BCAR1: variants seen among roughly 807,000 people sequenced by gnomAD.
The protein encoded by BCAR1 is breast cancer anti-estrogen resistance protein 1.
A neutral mutation model predicts 67.6 loss-of-function variants in BCAR1; 30 were observed. The observed-to-expected ratio is 0.44, with a 90% CI of 0.33 to 0.60. The LOEUF (loss-of-function observed/expected upper bound fraction) is 0.60, where lower values mean the gene tolerates loss of function less well. BCAR1 is among the 20% of genes least tolerant of loss of function. The probability of loss-of-function intolerance (pLI) is 0.02; values close to 1 mark genes in which losing one functional copy is unlikely to be tolerated. For synonymous variants in BCAR1, 626 were observed against 556.7 expected, an observed-to-expected ratio of 1.12 and a Z score of -1.75; for missense variants, 1,313 against 1,222.3, an observed-to-expected ratio of 1.07 and a Z score of -1.11.
At chr16:75,233,779 G>A (rs1306588136) in intron 6 of BCAR1, 67 bp downstream of exon 6, 1 of 1,504,620 alleles carries the variant, frequency 6.6e-7, no homozygotes, top group Admixed American at 2.0e-5. Context: ...CGGCCCTGCA[G>A]GGCAAGAGCT....
At chr16:75,250,569 T>C in intron 1 of BCAR1, 1 of 908,688 alleles carries the variant, frequency 1.1e-6, no homozygotes, top group Non-Finnish European at 1.3e-6. Flanking sequence ...GAAAAGGAGC[T>C]GCTGTCCCCG....
intron 2 of BCAR1, among the ~76,000 whole-genome samples, chr16:75,241,273 A>G (rs1316335124): frequency 6.6e-6 from 1 of 152,108 alleles, no homozygotes; most frequent in Non-Finnish European, 1.5e-5. Flanking sequence ...TGGGATGCAG[A>G]TATGTGCATG....
At position 75,234,996 on chromosome 16, in the gene BCAR1, G is replaced by A. The variant is rs2077050276; in HGVS notation, c.1903C>T (p.Arg635Ter). The A allele has an allele frequency of 1.2e-6, 2 of 1,611,230 alleles. No homozygotes were observed. The highest frequency in any genetic ancestry group is 1.7e-6 in the Non-Finnish European group (2 of 1,178,242). ...PTDKTSSIQS[R>*]PLPSPPKFTS... ...AACTTAGGGGGTGAGGGCAGGGGTC[G>A]TGACTGGATGCTGCTGGTCTTGTCA... The change falls in exon 5 of 7, where the codon CGA becomes TGA. Residue 635 changes from arginine to a stop codon, truncating the protein, a stop_gained. Coordinates refer to ENST00000162330, the MANE Select transcript of BCAR1 (RefSeq NM_014567.5). LOFTEE classifies it high-confidence loss of function.
At position 75,236,919 on chromosome 16, in the gene BCAR1, C is replaced by G. The variant is rs765357684; in HGVS notation, c.875G>C (p.Ser292Thr). The G allele has an allele frequency of 2.5e-6, 4 of 1,612,414 alleles. No homozygotes were observed. The highest frequency in any genetic ancestry group is 1.7e-5 in the Admixed American group (1 of 59,886). Residue 292 changes from serine (S) to threonine (T), a missense_variant, in exon 4 of 7, where the codon AGT becomes ACT. This residue lies in a region of BCAR1 where 1,272 missense variants were observed against 1,137.5 expected (regional missense o/e 1.12). Coordinates refer to ENST00000162330, the MANE Select transcript of BCAR1 (RefSeq NM_014567.5). ...GGACGGTGGCAGGCCCTTCTCCACACTGGGGGGCACGTCATACACCTCCAG... is the reference window on the plus strand; with the variant it reads ...GGACGGTGGCAGGCCCTTCTCCACAGTGGGGGGCACGTCATACACCTCCAG... Reference protein sequence around the residue: ...PLLEVYDVPPSVEKGLPPSNH... With the variant: ...PLLEVYDVPPTVEKGLPPSNH...
intron 1 of BCAR1, chr16:75,263,738 G>C (rs1232782443): frequency 1.7e-5 from 17 of 985,812 alleles, no homozygotes; most frequent in Non-Finnish European, 2.0e-5. Flanking sequence ...CCAAATGGAT[G>C]GGTGTGCTTA....
chr16:75,254,175 C>T (rs997370845), upstream of BCAR1, among the ~76,000 whole-genome samples: 1 of 152,122 alleles, frequency 6.6e-6, no homozygotes, highest in African/African-American at 2.4e-5. Context: ...TTTCGGGGCA[C>T]AGAAGGGACA....
chr16:75,242,545 C>A lies in BCAR1; in HGVS notation c.558G>T (p.Gly186=), dbSNP rs779483604. 6.7e-7 allele frequency: 1 copy of A among 1,492,390 alleles called. No individual in the cohort carries two copies. The highest frequency in any genetic ancestry group is 1.4e-5 in the African/African-American group (1 of 70,968). The allele number at this position is 1,492,390 out of a possible 1,614,324, so 92.4% of individuals were successfully genotyped here. A position where few individuals can be genotyped will look rare whatever the true frequency, so the allele number is the denominator to read the frequency against. Residue 186 remains glycine (G), a synonymous_variant, in exon 2 of 7, where the codon GGG becomes GGT. Transcript: ENST00000162330. The part of the protein sequence containing the change: ...QDIYQVPPSA[G]MGHDIYQVPP... ...GGACCTGGTAGATGTCATGCCCCATCCCGGCAGAAGGTGGCACCTGGTAAA... is the reference window on the plus strand; with the variant it reads ...GGACCTGGTAGATGTCATGCCCCATACCGGCAGAAGGTGGCACCTGGTAAA...
chr16:75,257,409 A>C (rs2151473495), intron 1 of BCAR1, among the ~76,000 whole-genome samples: 1 of 152,282 alleles, frequency 6.6e-6, no homozygotes, highest in East Asian at 1.9e-4. Context: ...AGTGACGGAA[A>C]GAGTGGATAC....
chr16:75,264,782 C>A, intron 1 of BCAR1: 1 of 559,822 alleles, frequency 1.8e-6, no homozygotes, highest in Non-Finnish European at 2.5e-6. Context: ...TGGGGTCCTC[C>A]GGGTGAGGAG....
Position 75,235,874 on chromosome 16 carries a change from G to T in BCAR1, c.1025C>A (p.Ala342Asp). The T allele has an allele frequency of 6.4e-7, 1 of 1,563,296 alleles. No homozygotes were observed. The stretch of plus-strand genomic sequence containing the variant: ...CGCAGCCAGTACCAGTGGGGTGCGG[G>T]CCGGGTCAAAGGGCTTGGCCTTGGC... ...AFAKAKPFDP[A>D]RTPLVLAAPP... Residue 342 changes from alanine (A) to aspartate (D), a missense_variant, in exon 5 of 7, where the codon GCC (alanine) becomes GAC (aspartate). Physicochemically the swap from Ala to Asp is moderately radical, Grantham distance 126. Around this residue, in one of 2 missense-constraint regions of BCAR1, gnomAD observed 1,272 missense variants for 1,137.5 expected, o/e 1.12. Transcript: ENST00000162330.
rs796217552 is a variant in BCAR1, at chr16:75,267,394, C to G, written c.66+521G>C. On this transcript the variant is annotated intron_variant, in intron 1 of 6. Transcript: ENST00000393422. ...GGGGCCAAGCAGGGCCACAGCAAGCCGGGGGGGGGGTGGGGGGCCTGGACC... is the reference window on the plus strand; with the variant it reads ...GGGGCCAAGCAGGGCCACAGCAAGCGGGGGGGGGGGTGGGGGGCCTGGACC... 5.3e-3 allele frequency among the ~76,000 whole-genome samples: 658 copies of G among 123,930 alleles called. 1 individual carries two copies. The highest frequency in any genetic ancestry group is 0.025 in the African/African-American group (591 of 23,382). The allele number at this position is 123,930 out of a possible 152,430, so 81.3% of individuals were successfully genotyped here.
At chr16:75,236,691 C>T (rs1460268515) in intron 4 of BCAR1, 191 bp downstream of exon 4, 6 of 1,199,230 alleles carry the variant, frequency 5.0e-6, no homozygotes, top group Non-Finnish European at 6.5e-6. Context: ...GCGGTTCTGC[C>T]GACAAAGAAC....
At position 75,235,413 on chromosome 16, in the gene BCAR1, G is replaced by T. The variant is rs780145839; in HGVS notation, c.1486C>A (p.Pro496Thr). 6.2e-7 allele frequency: 1 copy of T among 1,607,960 alleles called. No homozygotes were observed. Among genetic ancestry groups the T allele is most frequent in the Admixed American group, 1.7e-5 (1 of 59,950 alleles). Residue 496 changes from proline (P) to threonine (T), a missense_variant, in exon 5 of 7, where the codon CCA becomes ACA. Physicochemically the swap from Pro to Thr is conservative, Grantham distance 38. This residue lies in a region of BCAR1 where 1,272 missense variants were observed against 1,137.5 expected (regional missense o/e 1.12). Coordinates refer to ENST00000162330, the MANE Select transcript of BCAR1 (RefSeq NM_014567.5). Reference protein sequence around the residue: ...ATGSWRSPSEPQEPLVQDLQA... With the variant: ...ATGSWRSPSETQEPLVQDLQA... ...AGGTCCTGCACCAGCGGCTCCTGTG[G>T]CTCAGAGGGGCTACGCCAGCTCCCA... is the stretch of plus-strand genomic sequence containing the variant.
chr16:75,267,873 T>C, intron 1 of BCAR1: 2 of 1,568,046 alleles, frequency 1.3e-6, no homozygotes, highest in East Asian at 2.3e-5. Flanking sequence ...AACTCAGCCC[T>C]TAGCAGGGAG....
chr16:75,243,791 C>G (rs150960821), intron 1 of BCAR1, among the ~76,000 whole-genome samples: 116 of 152,286 alleles, frequency 7.6e-4, no homozygotes, highest in African/African-American at 2.7e-3. Flanking sequence ...AGTGCCGTGG[C>G]GAGGGCAGGG....
rs1349411447 is a variant in BCAR1 at position 75,235,743 on chromosome 16, G to C, written c.1156C>G (p.Leu386Val). ...PGLRRPGPGT[L>V]YDVPRERVLP... ...ACCCGTTCACGGGGCACATCGTACA[G>C]GGTGCCCGGGCCAGGCCGCCGCAAG... is the stretch of plus-strand genomic sequence containing the variant. The change falls in exon 5 of 7, where the codon CTG (leucine) becomes GTG (valine). Residue 386 changes from leucine (L) to valine (V), a missense_variant. Transcript: ENST00000162330. 3.8e-6 allele frequency: 6 copies of C among 1,598,282 alleles called. No individual in the cohort carries two copies. The South Asian group carries it at 5.7e-5, about 15-fold the overall frequency.
intron 1 of BCAR1, among the ~76,000 whole-genome samples, chr16:75,259,313 T>C (rs2077846083): frequency 6.6e-6 from 1 of 152,222 alleles, no homozygotes. Context: ...TTGCCAACAA[T>C]AGTGCCAGTG....
chr16:75,234,562 C>T (rs907656000), intron 5 of BCAR1, among the ~76,000 whole-genome samples: 2 of 152,216 alleles, frequency 1.3e-5, no homozygotes, highest in Non-Finnish European at 2.9e-5. Flanking sequence ...GAGGAGCAGT[C>T]CCAGCCACCT....
At chr16:75,243,374 T>C (rs1379325428) in intron 1 of BCAR1, 2 of 619,474 alleles carry the variant, frequency 3.2e-6, no homozygotes, top group Non-Finnish European at 6.0e-6. Context: ...CCTCAAGATA[T>C]CCCTAAAAGC....
Sources: allele counts gnomAD v4.1 joint callset (sites outside exome capture counted in the v4.1 genomes callset), GRCh38; gene constraint gnomAD v4.1.1; regional missense constraint gnomAD v4.1.1; transcripts MANE v1.5; gene names NCBI Gene and HGNC (gene_info 2026-07-23, HGNC 2026-07-21).